Variants in COL9A1 observed in about 807,000 individuals in gnomAD.
COL9A1 encodes the protein collagen alpha-1(IX) chain.
In COL9A1, 104 loss-of-function variants were observed where a neutral mutation model predicts 142.6. That is an observed-to-expected ratio of 0.73 (90% CI 0.62 to 0.86). The LOEUF (loss-of-function observed/expected upper bound fraction) is 0.86, where lower values mean the gene tolerates loss of function less well. COL9A1 is among the 40% of genes least tolerant of loss of function. COL9A1 has a pLI of 0.00. For missense variants in COL9A1, 1,210 were observed against 1,176.6 expected (o/e 1.03, Z -0.42); for synonymous variants, 466 against 396.0 (o/e 1.18, Z -2.10).
intron 37 of COL9A1, 30 bp downstream of exon 37, chr6:70,225,902 C>G: frequency 1.9e-6 from 3 of 1,583,556 alleles, no homozygotes; most frequent in Non-Finnish European, 2.6e-6. Context: ...ATTTCGCTAC[C>G]TCCTCCTCTC....
rs766455840 is a variant in COL9A1 at position 70,242,001 on chromosome 6, G to A, written c.1961C>T (p.Pro654Leu). The A allele has an allele frequency of 6.2e-5, 99 of 1,600,174 alleles. No homozygotes were observed. The highest frequency in any genetic ancestry group is 8.3e-5 in the Non-Finnish European group (97 of 1,172,402). ...SLGSPGLPGL[P>L]GPPGLPGMKG... ...CATTCCAGGAAGTCCAGGGGGCCCA[G>A]GCAAGCCAGGGAGGCCAGGGCTACC... is the stretch of plus-strand genomic sequence containing the variant. Residue 654 changes from proline to leucine, a missense_variant, in exon 30 of 38, where the codon CCT (proline) becomes CTT (leucine). Transcript: ENST00000357250.
intron 1 of COL9A1, 92 bp downstream of exon 1, chr6:70,302,819 T>C (rs1268237591): frequency 7.2e-7 from 1 of 1,385,448 alleles, no homozygotes; most frequent in African/African-American, 1.4e-5. Flanking sequence ...TCACCTACTC[T>C]CATCTTACCA....
intron 28 of COL9A1, among the ~76,000 whole-genome samples, chr6:70,248,532 C>G (rs1051443811): frequency 6.6e-6 from 1 of 152,146 alleles, no homozygotes; most frequent in African/African-American, 2.4e-5. Context: ...ATGAAGTTAT[C>G]TACAAAACTG....
At chr6:70,221,106 T>A (rs1768854235) in intron 37 of COL9A1, among the ~76,000 whole-genome samples, 1 of 152,188 alleles carries the variant, frequency 6.6e-6, no homozygotes, top group Non-Finnish European at 1.5e-5. Context: ...ACGTTTTTTT[T>A]TTAAACAAAT....
At chr6:70,231,078 G>A (rs946141026) in intron 36 of COL9A1, among the ~76,000 whole-genome samples, 2 of 152,166 alleles carry the variant, frequency 1.3e-5, no homozygotes, top group African/African-American at 2.4e-5. Flanking sequence ...TGTTAAACTA[G>A]ACAGCTAGAC....
chr6:70,264,178 A>G (rs1302862504), intron 18 of COL9A1, among the ~76,000 whole-genome samples: 3 of 151,964 alleles, frequency 2.0e-5, no homozygotes, highest in East Asian at 1.9e-4. Context: ...GAATTCCCTT[A>G]TCTTTATTTT....
intron 5 of COL9A1, among the ~76,000 whole-genome samples, chr6:70,288,129 A>G (rs1315239943): frequency 6.6e-6 from 1 of 152,088 alleles, no homozygotes; most frequent in African/African-American, 2.4e-5. Context: ...AACCCAAACT[A>G]ACTCCTGATA....
rs552870848 is a variant in COL9A1, at chr6:70,292,283, T to C, written c.696+1884A>G. ...AGGCTCAAGTCTTTTTTGTGTTTCC[T>C]GATAAGGGAGTCAGAATTCAGTCTG... On this transcript the variant is annotated intron_variant, in intron 5 of 37. Coordinates refer to ENST00000357250, the MANE Select transcript of COL9A1 (RefSeq NM_001851.6). Among the ~76,000 whole-genome samples, 223 of 152,270 alleles carry C rather than the reference T, an allele frequency of 1.5e-3. 1 individual carries two copies. Among genetic ancestry groups the C allele is most frequent in the African/African-American group, 5.0e-3 (208 of 41,560 alleles).
At chr6:70,295,279 TTC>T (rs1773809117) in intron 4 of COL9A1, among the ~76,000 whole-genome samples, 3 of 123,710 alleles carry the variant, frequency 2.4e-5, no homozygotes, top group East Asian at 2.7e-4. Context: ...CTGTTGTTGC[TTC>T]TTTTTTTTTT....
At chr6:70,270,627 T>C (rs1655887996) in intron 14 of COL9A1, among the ~76,000 whole-genome samples, 1 of 152,238 alleles carries the variant, frequency 6.6e-6, no homozygotes, top group African/African-American at 2.4e-5. Flanking sequence ...AATTCTTCTC[T>C]ATCAGACAAA....
At chr6:70,282,779 C>T (rs976056494) in intron 7 of COL9A1, 119 bp downstream of exon 7, 7 of 1,467,584 alleles carry the variant, frequency 4.8e-6, no homozygotes, top group Middle Eastern at 2.3e-4. Context: ...CTGGAGGAAG[C>T]GCGGGTCTGA....
At chr6:70,240,247 A>T (rs1770161275) in intron 32 of COL9A1, among the ~76,000 whole-genome samples, 1 of 152,146 alleles carries the variant, frequency 6.6e-6, no homozygotes, top group Admixed American at 6.5e-5. Context: ...GACTAAAGAG[A>T]TTACCCTTGG....
intron 26 of COL9A1, among the ~76,000 whole-genome samples, chr6:70,253,069 G>T (rs1238524297): frequency 1.3e-5 from 2 of 151,780 alleles, no homozygotes; most frequent in Admixed American, 1.3e-4. Context: ...CCTAATAATA[G>T]TCTCTGACAT....
intron 5 of COL9A1, among the ~76,000 whole-genome samples, chr6:70,293,665 A>T (rs1773739561): frequency 6.6e-6 from 1 of 150,760 alleles, no homozygotes; most frequent in African/African-American, 2.5e-5. Flanking sequence ...ACACACACAC[A>T]CACACACACA....
chr6:70,294,273 T>C lies in COL9A1; in HGVS notation c.590A>G (p.Asp197Gly). 1.2e-6 allele frequency: 2 copies of C among 1,614,004 alleles called. No homozygotes were observed. The highest frequency in any genetic ancestry group is 2.2e-5 in the South Asian group (2 of 91,074). The change falls in exon 5 of 38, where the codon GAC becomes GGC. Residue 197 changes from aspartate (D) to glycine (G), a missense_variant. Asp to Gly is a moderately conservative substitution (Grantham distance 94). Transcript: ENST00000357250. The part of the protein sequence containing the change: ...VERSSATLFV[D>G]CNRIESLPIK... ...AGGTAAAGATTCAATCCTGTTGCAG[T>C]CAACAAAAAGAGTAGCACTACTCCT...
At chr6:70,285,353 C>T (rs1480934978) in intron 5 of COL9A1, among the ~76,000 whole-genome samples, 1 of 152,184 alleles carries the variant, frequency 6.6e-6, no homozygotes, top group Admixed American at 6.5e-5. Flanking sequence ...CGTTTTTTGG[C>T]ATGAAATATG....
chr6:70,281,026 G>A lies in COL9A1; in HGVS notation c.890C>T (p.Pro297Leu), dbSNP rs746311583. 1.1e-5 allele frequency: 18 copies of A among 1,612,678 alleles called. No homozygotes were observed. The highest frequency in any genetic ancestry group is 1.2e-5 in the Non-Finnish European group (14 of 1,179,658). Residue 297 changes from proline to leucine, a missense_variant, in exon 9 of 38, where the codon CCT becomes CTT. By Grantham distance (98) the Pro-to-Leu change is moderately conservative. Coordinates refer to ENST00000357250, the MANE Select transcript of COL9A1 (RefSeq NM_001851.6). Reference sequence around the variant, plus strand: ...TACCGGGGGGCCCGGGGGGCCCTTAGGACCTCGGTCACCCTGGAGGGGTAG... The same window carrying A: ...TACCGGGGGGCCCGGGGGGCCCTTAAGACCTCGGTCACCCTGGAGGGGTAG... ...GIDGIDGDRG[P>L]KGPPGPPGPA...
At chr6:70,280,981 G>A (rs370461837) in intron 9 of COL9A1, 23 bp downstream of exon 9, 8 of 1,612,226 alleles carry the variant, frequency 5.0e-6, no homozygotes, top group African/African-American at 1.3e-5. Context: ...GAAGTGGAGC[G>A]CCATATGCTC....
chr6:70,231,180 G>C (rs1769516597), intron 36 of COL9A1, among the ~76,000 whole-genome samples: 2 of 152,100 alleles, frequency 1.3e-5, no homozygotes, highest in South Asian at 4.1e-4. Context: ...CTGCTCCGGG[G>C]ACTGCTCTCT....
Sources: allele counts gnomAD v4.1 joint callset (sites outside exome capture counted in the v4.1 genomes callset), GRCh38; gene constraint gnomAD v4.1.1; transcripts MANE v1.5; gene names NCBI Gene and HGNC (gene_info 2026-07-23, HGNC 2026-07-21).